Variants in BICC1 observed in about 807,000 individuals in gnomAD.
BICC1 encodes the protein BicC family RNA binding protein 1.
BICC1 carries 43 observed loss-of-function variants against 111.0 expected under a neutral mutation model. The ratio of observed to expected loss-of-function variants is 0.39; its 90% confidence interval spans 0.30 to 0.50. The LOEUF is 0.50. Ranked by LOEUF, BICC1 falls within the 20% of genes least tolerant of loss-of-function variation. The pLI is 0.88. For synonymous variants in BICC1, 467 were observed against 434.4 expected (o/e 1.07, Z -0.93); for missense variants, 1,091 against 1,203.2 (o/e 0.91, Z 1.38).
At chr10:58,778,348 C>A (rs1842801367) in intron 3 of BICC1, among the ~76,000 whole-genome samples, 2 of 152,116 alleles carry the variant, frequency 1.3e-5, no homozygotes, top group Admixed American at 1.3e-4. Flanking sequence ...AAAATACACG[C>A]ATAATTTTTG....
At chr10:58,544,252 A>G (rs1181176017) in intron 1 of BICC1, among the ~76,000 whole-genome samples, 1 of 152,180 alleles carries the variant, frequency 6.6e-6, no homozygotes, top group Non-Finnish European at 1.5e-5. Context: ...TGTGCTGAAT[A>G]GACATTTCCT....
chr10:58,750,272 G>A (rs886572026), intron 3 of BICC1, among the ~76,000 whole-genome samples: 1 of 152,100 alleles, frequency 6.6e-6, no homozygotes, highest in Non-Finnish European at 1.5e-5. Flanking sequence ...CCAGTTGAAA[G>A]TTTTATACTC....
At chr10:58,796,229 C>G (rs1843347583) in intron 9 of BICC1, 111 bp from the exon 10 acceptor site, 1 of 875,944 alleles carries the variant, frequency 1.1e-6, no homozygotes, top group Non-Finnish European at 1.8e-6. Context: ...ATTGATATGT[C>G]CCCTGAGTGG....
At chr10:58,636,701 C>A (rs1837963972) in intron 2 of BICC1, among the ~76,000 whole-genome samples, 1 of 152,108 alleles carries the variant, frequency 6.6e-6, no homozygotes, top group South Asian at 2.1e-4. Context: ...GAATACTGAA[C>A]TAGGAGCCAT....
intron 2 of BICC1, among the ~76,000 whole-genome samples, chr10:58,688,003 C>G (rs1839793895): frequency 6.6e-6 from 1 of 152,092 alleles, no homozygotes; most frequent in Non-Finnish European, 1.5e-5. Flanking sequence ...AGTGTTACAG[C>G]TCTTAAAGGT....
At chr10:58,568,200 C>T (rs779941073) in intron 1 of BICC1, among the ~76,000 whole-genome samples, 1 of 152,140 alleles carries the variant, frequency 6.6e-6, no homozygotes, top group African/African-American at 2.4e-5. Flanking sequence ...CTTGAGCACA[C>T]TGCCTGAAAT....
chr10:58,530,750 C>A (rs183814260), intron 1 of BICC1, among the ~76,000 whole-genome samples: 1 of 150,294 alleles, frequency 6.7e-6, no homozygotes, highest in East Asian at 2.0e-4. Flanking sequence ...ATATTTCATA[C>A]CTTTGTTCTA....
At chr10:58,679,423 C>T (rs1279378246) in intron 2 of BICC1, among the ~76,000 whole-genome samples, 2 of 152,142 alleles carry the variant, frequency 1.3e-5, no homozygotes, top group Non-Finnish European at 2.9e-5. Flanking sequence ...TGCAAATAAA[C>T]TAGGTTATCT....
chr10:58,724,242 A>G (rs1477920310), intron 3 of BICC1, among the ~76,000 whole-genome samples: 1 of 152,236 alleles, frequency 6.6e-6, no homozygotes, highest in African/African-American at 2.4e-5. Context: ...CTTAGATGTT[A>G]CATAATCTAA....
intron 1 of BICC1, among the ~76,000 whole-genome samples, chr10:58,514,316 C>G (rs1423575837): frequency 6.6e-6 from 1 of 152,212 alleles, no homozygotes; most frequent in Non-Finnish European, 1.5e-5. Flanking sequence ...GTTAGTCTCA[C>G]TTAGGGCGCT....
At chr10:58,515,100 G>T (rs1029647882) in intron 1 of BICC1, among the ~76,000 whole-genome samples, 1 of 152,134 alleles carries the variant, frequency 6.6e-6, no homozygotes, top group Non-Finnish European at 1.5e-5. Flanking sequence ...TTTTCACTTC[G>T]AATAAAATGA....
intron 1 of BICC1, among the ~76,000 whole-genome samples, chr10:58,574,853 T>C (rs1844061498): frequency 6.6e-6 from 1 of 152,164 alleles, no homozygotes; most frequent in Admixed American, 6.6e-5. Context: ...GTGTGTCTGG[T>C]GTACAAGAAG....
At chr10:58,545,930 G>A (rs543585297) in intron 1 of BICC1, among the ~76,000 whole-genome samples, 5 of 152,142 alleles carry the variant, frequency 3.3e-5, no homozygotes, top group Non-Finnish European at 5.9e-5. Flanking sequence ...TTGCTCTGGA[G>A]GTTGGGAGGG....
At chr10:58,598,866 A>G (rs371598261) in intron 1 of BICC1, among the ~76,000 whole-genome samples, 2 of 152,332 alleles carry the variant, frequency 1.3e-5, no homozygotes, top group African/African-American at 4.8e-5. Context: ...ACTTCTCAAA[A>G]TAAGACATTT....
intron 2 of BICC1, among the ~76,000 whole-genome samples, chr10:58,679,241 C>G (rs186949600): frequency 2.0e-4 from 30 of 152,170 alleles, no homozygotes; most frequent in Admixed American, 1.4e-3. Context: ...ATCAGTGAAT[C>G]CAGGAGCTGG....
chr10:58,611,578 A>G (rs1350871179), intron 1 of BICC1, among the ~76,000 whole-genome samples: 1 of 151,310 alleles, frequency 6.6e-6, no homozygotes, highest in Non-Finnish European at 1.5e-5. Flanking sequence ...CAGGTTCAAG[A>G]GATTCTCCTG....
chr10:58,542,290 A>G (rs915902467), intron 1 of BICC1, among the ~76,000 whole-genome samples: 6 of 152,048 alleles, frequency 3.9e-5, no homozygotes, highest in Admixed American at 1.3e-4. Flanking sequence ...GGAAAGGACA[A>G]TCTCTTCAAC....
At chr10:58,730,157 A>G (rs1467115666) in intron 3 of BICC1, among the ~76,000 whole-genome samples, 1 of 152,250 alleles carries the variant, frequency 6.6e-6, no homozygotes, top group African/African-American at 2.4e-5. Flanking sequence ...AGGTATAGGC[A>G]TTAGGTAAAA....
At chr10:58,607,772 C>G (rs566176355) in intron 1 of BICC1, among the ~76,000 whole-genome samples, 2 of 152,080 alleles carry the variant, frequency 1.3e-5, no homozygotes, top group African/African-American at 2.4e-5. Context: ...GGAATGACCT[C>G]GTATGCTGAT....
Sources: allele counts gnomAD v4.1 joint callset (sites outside exome capture counted in the v4.1 genomes callset), GRCh38; gene constraint gnomAD v4.1.1; transcripts MANE v1.5; gene names NCBI Gene and HGNC (gene_info 2026-07-23, HGNC 2026-07-21).